MRPL47: variants seen among roughly 807,000 people sequenced by gnomAD.
The protein encoded by MRPL47 is mitochondrial ribosomal protein L47.
MRPL47 carries 31 observed loss-of-function variants against 34.0 expected under a neutral mutation model. The ratio of observed to expected loss-of-function variants is 0.91; its 90% CI spans 0.68 to 1.23. The LOEUF (loss-of-function observed/expected upper bound fraction) is 1.23, where lower values mean the gene tolerates loss of function less well. Among genes scored for constraint, MRPL47 ranks in the 50% most tolerant of loss-of-function variants. The pLI, the probability that MRPL47 is intolerant of heterozygous loss-of-function variation, is 0.00. For missense variants in MRPL47, 328 were observed against 285.8 expected, an observed-to-expected ratio of 1.15 and a Z score of -1.07; for synonymous variants, 106 against 101.6, an observed-to-expected ratio of 1.04 and a Z score of -0.26.
In MRPL47 at chr3:179,602,992, G is replaced by A. The variant is rs75617506; in HGVS notation, c.99-195C>T. On this transcript the variant is annotated intron_variant, in intron 1 of 6. Transcript: ENST00000476781. ...TCACTATGTTGTCCAGGCTGGTCTC[G>A]AACTCCTGGGCTCAAGTGATCCTCC... is the stretch of plus-strand genomic sequence containing the variant. Among the ~76,000 whole-genome samples the A allele has an allele frequency of 0.011, 1,614 of 151,756 alleles. 39 individuals carry two copies. In the East Asian group the frequency reaches 0.12, roughly 11 times the overall value.
chr3:179,603,050 G>C (rs934536721), intron 1 of MRPL47, among the ~76,000 whole-genome samples: 1 of 151,816 alleles, frequency 6.6e-6, no homozygotes, highest in East Asian at 1.9e-4. Context: ...GGAATTACAG[G>C]GATGAGCCAC....
chr3:179,601,178 G>A (rs962146581), intron 3 of MRPL47, among the ~76,000 whole-genome samples: 4 of 152,204 alleles, frequency 2.6e-5, no homozygotes, highest in African/African-American at 9.7e-5. Context: ...TTGGGAGGCT[G>A]AGGTAGGAGG....
At chr3:179,592,288 G>A (rs775827933) in intron 6 of MRPL47, among the ~76,000 whole-genome samples, 8 of 152,188 alleles carry the variant, frequency 5.3e-5, no homozygotes, top group South Asian at 2.1e-4. Context: ...TCTGCCTCCC[G>A]GGTTCACGCC....
intron 2 of MRPL47, among the ~76,000 whole-genome samples, chr3:179,602,205 G>A (rs529347427): frequency 9.9e-5 from 15 of 152,080 alleles, no homozygotes; most frequent in African/African-American, 1.9e-4. Flanking sequence ...TTAGCCGGGC[G>A]TGGTGGCACG....
rs193287557 is a variant in MRPL47 at position 179,604,236 on chromosome 3, C to A, written c.98+291G>T. ...AAAGTTTTTCGCACCTCACCCAGCC[C>A]AAGAGGATGCTTCTGTACTTATAGA... On this transcript the variant is annotated intron_variant, in intron 1 of 6. Coordinates refer to ENST00000476781, the MANE Select transcript of MRPL47 (RefSeq NM_020409.3). Among the ~76,000 whole-genome samples, 343 of 152,272 alleles carry A rather than the reference C, an allele frequency of 2.3e-3. 3 individuals are homozygous for A. The highest frequency in any genetic ancestry group is 2.5e-3 in the South Asian group (12 of 4,826).
chr3:179,602,179 T>C (rs1718941601), intron 2 of MRPL47, among the ~76,000 whole-genome samples: 1 of 152,138 alleles, frequency 6.6e-6, no homozygotes, highest in African/African-American at 2.4e-5. Flanking sequence ...ATCCTGTCTC[T>C]ACTTAAAATA....
chr3:179,592,006 T>C (rs1718685059), intron 6 of MRPL47, among the ~76,000 whole-genome samples: 2 of 151,964 alleles, frequency 1.3e-5, no homozygotes, highest in Non-Finnish European at 2.9e-5. Context: ...CTAATTTTTG[T>C]ATTTTTAGTA....
chr3:179,597,082 TA>T (rs1182079278), intron 4 of MRPL47, among the ~76,000 whole-genome samples: 3 of 152,214 alleles, frequency 2.0e-5, no homozygotes, highest in Non-Finnish European at 4.4e-5. Context: ...GATAGATGCA[TA>T]GAAGGATAAG....
Position 179,598,775 on chromosome 3 carries a change from T to C in MRPL47, c.306-4A>G, listed in dbSNP as rs750415392. ...TCTTTCTTTCAGTAAGACATACCTATACAAAAGAACACAAACCTTGTGATG... is the reference window on the plus strand; with the variant it reads ...TCTTTCTTTCAGTAAGACATACCTACACAAAAGAACACAAACCTTGTGATG... On this transcript the variant is annotated splice_polypyrimidine_tract_variant and splice_region_variant and intron_variant, in intron 3 of 6. Coordinates refer to ENST00000476781, the MANE Select transcript of MRPL47 (RefSeq NM_020409.3). 1.2e-5 allele frequency: 19 copies of C among 1,585,816 alleles called. 1 individual carries two copies. The highest frequency in any genetic ancestry group is 8.3e-5 in the Admixed American group (5 of 59,888).
intron 3 of MRPL47, among the ~76,000 whole-genome samples, chr3:179,600,368 C>T (rs1436064752): frequency 3.3e-5 from 5 of 152,036 alleles, no homozygotes; most frequent in East Asian, 1.9e-4. Context: ...TGGCTGGGCA[C>T]GGTGGCTCAT....
chr3:179,589,636 A>G (rs963563351), intron 6 of MRPL47, among the ~76,000 whole-genome samples: 1 of 152,218 alleles, frequency 6.6e-6, no homozygotes, highest in Non-Finnish European at 1.5e-5. Flanking sequence ...TATAAAATAC[A>G]GCAATAAAGA....
intron 6 of MRPL47, among the ~76,000 whole-genome samples, chr3:179,591,928 G>T (rs541313851): frequency 8.5e-5 from 13 of 152,054 alleles, no homozygotes; most frequent in African/African-American, 1.4e-4. Context: ...CACCTCCCAG[G>T]TTCCATCAAT....
intron 2 of MRPL47, among the ~76,000 whole-genome samples, chr3:179,601,992 C>A (rs1254386717): frequency 1.3e-5 from 2 of 152,110 alleles, no homozygotes; most frequent in Non-Finnish European, 2.9e-5. Context: ...CAATAGCATT[C>A]AAAAAATGTT....
At chr3:179,602,141 T>G (rs1369554869) in intron 2 of MRPL47, among the ~76,000 whole-genome samples, 1 of 152,192 alleles carries the variant, frequency 6.6e-6, no homozygotes, top group East Asian at 1.9e-4. Flanking sequence ...GTTTGGGAGT[T>G]CAAGACCAGC....
intron 6 of MRPL47, 29 bp downstream of exon 6, chr3:179,592,615 T>A: frequency 7.5e-7 from 1 of 1,332,198 alleles, no homozygotes; most frequent in African/African-American, 1.4e-5. Context: ...ATAAAGATAA[T>A]ATGTTTTATT....
At chr3:179,598,898 C>T (rs1718857973) in intron 3 of MRPL47, 127 bp from the exon 4 acceptor site, 1 of 626,346 alleles carries the variant, frequency 1.6e-6, no homozygotes, top group East Asian at 3.3e-5. Flanking sequence ...GTGGCTCACA[C>T]CTGTAATCCC....
intron 6 of MRPL47, 111 bp from the exon 7 acceptor site, chr3:179,589,106 C>G: frequency 9.4e-7 from 1 of 1,061,240 alleles, no homozygotes; most frequent in African/African-American, 1.6e-5. Flanking sequence ...ATGCCAGTCC[C>G]TGTATTTGGT....
chr3:179,589,159 C>T (rs537801048), intron 6 of MRPL47, among the ~76,000 whole-genome samples, 164 bp from the exon 7 acceptor site: 2 of 152,144 alleles, frequency 1.3e-5, no homozygotes, highest in Admixed American at 6.5e-5. Context: ...TCACTGTAAA[C>T]CTACACAAGT....
At chr3:179,589,982 T>C (rs915001934) in intron 6 of MRPL47, among the ~76,000 whole-genome samples, 2 of 152,202 alleles carry the variant, frequency 1.3e-5, no homozygotes, top group Non-Finnish European at 2.9e-5. Flanking sequence ...AAAAACAAAA[T>C]CATTAGAATA....
Sources: gnomAD v4.1 joint callset for allele counts (sites outside exome capture counted in the v4.1 genomes callset) on GRCh38, gnomAD v4.1.1 for gene constraint, MANE v1.5 for transcripts, NCBI Gene and HGNC (gene_info 2026-07-23, HGNC 2026-07-21) for gene names.